Variants in PRSS23 observed in about 807,000 individuals in gnomAD.
PRSS23 encodes protease, serine 23.
Under a neutral mutation model 34.7 loss-of-function variants are expected in PRSS23, and 25 were observed. The observed-to-expected ratio is 0.72, with a 90% CI of 0.53 to 1.01. The LOEUF (loss-of-function observed/expected upper bound fraction) is 1.01. Ranked by LOEUF, PRSS23 falls within the 50% of genes least tolerant of loss-of-function variation. The probability of loss-of-function intolerance (pLI) is 0.00; values close to 1 mark genes in which losing one functional copy is unlikely to be tolerated. For missense variants in PRSS23, 445 were observed against 475.6 expected (o/e 0.94, Z 0.60); for synonymous variants, 176 against 186.6 (o/e 0.94, Z 0.46).
chr11:86,951,147 C>T (rs1463892605), intron 2 of PRSS23: 2 of 1,614,020 alleles, frequency 1.2e-6, no homozygotes, highest in Admixed American at 1.7e-5. Context: ...TAGCCTTATA[C>T]CACAGTCTCA....
At chr11:86,861,481 A>G (rs1184462770) in intron 2 of PRSS23, among the ~76,000 whole-genome samples, 1 of 151,572 alleles carries the variant, frequency 6.6e-6, no homozygotes, top group Non-Finnish European at 1.5e-5. Context: ...TGTATGATAT[A>G]ATTCCCTATA....
At chr11:86,823,890 CAG>C (rs1451203298) in intron 2 of PRSS23, among the ~76,000 whole-genome samples, 1 of 148,736 alleles carries the variant, frequency 6.7e-6, no homozygotes, top group Admixed American at 6.8e-5. Flanking sequence ...CCTGTAGTCC[CAG>C]CTACTCGGGA....
chr11:86,836,324 C>G (rs1486543106), intron 2 of PRSS23, among the ~76,000 whole-genome samples: 1 of 152,098 alleles, frequency 6.6e-6, no homozygotes, highest in Non-Finnish European at 1.5e-5. Flanking sequence ...GCCTTGGGGT[C>G]TAAGGGGATA....
intron 2 of PRSS23, among the ~76,000 whole-genome samples, chr11:86,856,750 A>C (rs1237519217): frequency 6.6e-6 from 1 of 152,194 alleles, no homozygotes; most frequent in Non-Finnish European, 1.5e-5. Context: ...AAAATTACAA[A>C]ATGAATTACT....
intron 2 of PRSS23, among the ~76,000 whole-genome samples, chr11:86,825,435 G>A (rs1032163239): frequency 7.9e-5 from 12 of 152,140 alleles, no homozygotes; most frequent in African/African-American, 2.7e-4. Context: ...TAGGTTTCCT[G>A]TTCACTCTGA....
chr11:86,929,070 C>T (rs1275685323), intron 2 of PRSS23, among the ~76,000 whole-genome samples: 1 of 152,022 alleles, frequency 6.6e-6, no homozygotes, highest in Non-Finnish European at 1.5e-5. Context: ...GCCTGTAATC[C>T]TAGCACTTTG....
At chr11:86,791,288 C>G (rs1947950876) in intron 1 of PRSS23, 1 of 152,324 alleles carries the variant, frequency 6.6e-6, no homozygotes, top group Admixed American at 6.5e-5. Flanking sequence ...GGTGGGAGAA[C>G]CAGCCCTTGT....
At chr11:86,906,048 A>G (rs1235567722) in intron 2 of PRSS23, among the ~76,000 whole-genome samples, 3 of 152,198 alleles carry the variant, frequency 2.0e-5, no homozygotes, top group East Asian at 3.9e-4. Flanking sequence ...GCCTACTCCA[A>G]GCCAAATTGT....
chr11:86,856,675 C>T (rs1357017513), intron 2 of PRSS23, among the ~76,000 whole-genome samples: 1 of 152,174 alleles, frequency 6.6e-6, no homozygotes, highest in East Asian at 1.9e-4. Flanking sequence ...CAACCTTAGA[C>T]AAACCATTGG....
At chr11:86,863,974 A>G (rs1232492220) in intron 2 of PRSS23, among the ~76,000 whole-genome samples, 1 of 152,228 alleles carries the variant, frequency 6.6e-6, no homozygotes, top group African/African-American at 2.4e-5. Context: ...CCCCATGTCC[A>G]TGACGAGTTT....
chr11:86,794,466 A>G (rs1453565691), intron 1 of PRSS23, among the ~76,000 whole-genome samples: 2 of 152,186 alleles, frequency 1.3e-5, no homozygotes, highest in African/African-American at 4.8e-5. Flanking sequence ...ATAATTTTAG[A>G]TTGGCATATT....
At chr11:86,848,572 C>T (rs1051437544) in intron 2 of PRSS23, among the ~76,000 whole-genome samples, 2 of 152,130 alleles carry the variant, frequency 1.3e-5, no homozygotes, top group Non-Finnish European at 2.9e-5. Flanking sequence ...AGAAATGCTG[C>T]GGGAGGCTCT....
intron 2 of PRSS23, chr11:86,909,506 T>C (rs1018753635): frequency 1.3e-5 from 2 of 152,338 alleles, no homozygotes; most frequent in East Asian, 1.9e-4. Context: ...AGAAGAAACA[T>C]ACCCGGAGAG....
At chr11:86,947,310 GA>G in intron 2 of PRSS23, 1 of 156,164 alleles carries the variant, frequency 6.4e-6, no homozygotes, top group East Asian at 1.9e-4. Context: ...CACCTCACCA[GA>G]AATCAAATAC....
chr11:86,848,853 G>T (rs1277390239), intron 2 of PRSS23, among the ~76,000 whole-genome samples: 1 of 152,200 alleles, frequency 6.6e-6, no homozygotes, highest in East Asian at 1.9e-4. Flanking sequence ...GTGGCTCAGA[G>T]GGAACCAAAA....
chr11:86,940,722 A>C (rs1949201928), intron 2 of PRSS23: 1 of 152,202 alleles, frequency 6.6e-6, no homozygotes, highest in Admixed American at 6.6e-5. Flanking sequence ...AGTTACACTG[A>C]GCCACTCACT....
At chr11:86,898,409 G>A (rs1948890640) in intron 2 of PRSS23, among the ~76,000 whole-genome samples, 1 of 152,198 alleles carries the variant, frequency 6.6e-6, no homozygotes, top group Admixed American at 6.5e-5. Flanking sequence ...ATATAAGGAT[G>A]CTAAATATTA....
chr11:86,861,172 A>G (rs568467052), intron 2 of PRSS23, among the ~76,000 whole-genome samples: 2 of 147,418 alleles, frequency 1.4e-5, no homozygotes, highest in African/African-American at 5.1e-5. Context: ...AGGTGATATT[A>G]CTCCCCATGT....
intron 2 of PRSS23, chr11:86,947,597 A>T (rs915124225): frequency 1.3e-5 from 2 of 152,226 alleles, no homozygotes; most frequent in African/African-American, 2.4e-5. Context: ...CTCTGAAATT[A>T]AAAAAATGTC....
Sources: allele counts gnomAD v4.1 joint callset (sites outside exome capture counted in the v4.1 genomes callset), GRCh38; gene constraint gnomAD v4.1.1; transcripts MANE v1.5; gene names NCBI Gene and HGNC (gene_info 2026-07-23, HGNC 2026-07-21).